Variants in KRT8 observed in about 807,000 individuals in gnomAD.
KRT8 encodes keratin, type II cytoskeletal 8.
KRT8 carries 24 observed loss-of-function variants against 43.0 expected under a neutral mutation model. The observed-to-expected ratio is 0.56, with a 90% confidence interval of 0.40 to 0.78. KRT8 has a LOEUF of 0.78. Among genes scored for constraint, KRT8 ranks in the 30% least tolerant of loss-of-function variants. The probability of loss-of-function intolerance (pLI) is 0.00; values close to 1 mark genes in which losing one functional copy is unlikely to be tolerated. For missense variants in KRT8, 492 were observed against 638.4 expected, an observed-to-expected ratio of 0.77 and a Z score of 2.47; for synonymous variants, 214 against 261.2, an observed-to-expected ratio of 0.82 and a Z score of 1.74.
At chr12:52,949,635 C>T (rs1232510732) in intron 1 of KRT8, 8 of 1,500,422 alleles carry the variant, frequency 5.3e-6, no homozygotes, top group Non-Finnish European at 7.4e-6. Context: ...GTCTGACCCT[C>T]CAATTATACA....
chr12:52,897,667 G>T, intron 7 of KRT8, 49 bp from the exon 8 acceptor site: 1 of 1,597,248 alleles, frequency 6.3e-7, no homozygotes, highest in Non-Finnish European at 8.5e-7. Flanking sequence ...CCACCCCATG[G>T]CAGGCTCCAT....
chr12:52,914,194 G>C (rs1941689134), intron 2 of KRT8, among the ~76,000 whole-genome samples: 1 of 151,986 alleles, frequency 6.6e-6, no homozygotes, highest in Non-Finnish European at 1.5e-5. Context: ...TTGCACTCCA[G>C]CCTGGGCGAC....
rs570641302 is a variant in KRT8 at position 52,900,698 on chromosome 12, G to C, written c.595-15C>G. ...TCATCCACATCCTGGGGGATGAGGA[G>C]AGGGGAGCCTGAGCTGGGTTTCCAC... On this transcript the variant is annotated splice_polypyrimidine_tract_variant and intron_variant, in intron 3 of 7. Coordinates refer to ENST00000692008, the Ensembl canonical transcript of KRT8. The C allele has an allele frequency of 5.0e-5, 79 of 1,583,408 alleles. No individual in the cohort carries two copies. The East Asian group carries it at 1.5e-3, about 30-fold the overall frequency.
At chr12:52,949,161 C>T (rs1362957814) in intron 2 of KRT8, 3 of 1,444,662 alleles carry the variant, frequency 2.1e-6, no homozygotes, top group East Asian at 2.4e-5. Context: ...TCCTTTCTCT[C>T]TCCCCGGACA....
intron 2 of KRT8, among the ~76,000 whole-genome samples, chr12:52,943,992 C>T (rs1285636445): frequency 6.6e-6 from 1 of 152,110 alleles, no homozygotes; most frequent in Non-Finnish European, 1.5e-5. Context: ...TAGTGGTGAG[C>T]AGGGAGCAGA....
intron 2 of KRT8, among the ~76,000 whole-genome samples, chr12:52,944,846 C>T (rs1467208663): frequency 6.6e-6 from 1 of 152,154 alleles, no homozygotes; most frequent in Non-Finnish European, 1.5e-5. Flanking sequence ...ACAGGCAGTG[C>T]CAGGGACTCC....
chr12:52,902,080 A>C lies in KRT8; in HGVS notation c.325-8T>G, dbSNP rs1941385672. On this transcript the variant is annotated splice_region_variant and splice_polypyrimidine_tract_variant and intron_variant, in intron 1 of 7. Transcript: ENST00000692008. ...CTGCTCCAGGAACCGTACCTATACG[A>C]AGGAGGAGAGAGCAAAAAGGTCTAC... 1 of 1,589,648 alleles carries C rather than the reference A, an allele frequency of 6.3e-7. No homozygotes were observed. Among genetic ancestry groups the C allele is most frequent in the African/African-American group, 1.3e-5 (1 of 74,626 alleles).
intron 2 of KRT8, among the ~76,000 whole-genome samples, chr12:52,931,118 A>G (rs1403640204): frequency 6.7e-6 from 1 of 149,380 alleles, no homozygotes; most frequent in Non-Finnish European, 1.5e-5. Flanking sequence ...CCCAGGCTGC[A>G]GTGCAGTGGC....
At chr12:52,943,628 G>A (rs555083007) in intron 2 of KRT8, among the ~76,000 whole-genome samples, 2 of 152,266 alleles carry the variant, frequency 1.3e-5, no homozygotes, top group East Asian at 3.9e-4. Flanking sequence ...GCACGTGGCC[G>A]TGCAGGGTGT....
chr12:52,904,746 T>C, exon 1 of KRT8: 1 of 1,612,724 alleles, frequency 6.2e-7, no homozygotes, highest in Non-Finnish European at 8.5e-7. Context: ...GGGGTCCACC[T>C]CCAGGACAAG....
chr12:52,901,886 G>A, exon 2 of KRT8: 2 of 1,610,928 alleles, frequency 1.2e-6, no homozygotes, highest in Non-Finnish European at 1.7e-6. Flanking sequence ...TCCTCCACCA[G>A]CCCCTGCATG....
intron 2 of KRT8, chr12:52,926,485 G>A: frequency 6.5e-7 from 1 of 1,535,022 alleles, no homozygotes; most frequent in African/African-American, 1.4e-5. Flanking sequence ...TCATGCATCA[G>A]GCACCTCCCC....
chr12:52,934,067 C>CA (rs1224673744), intron 2 of KRT8, among the ~76,000 whole-genome samples: 1 of 148,654 alleles, frequency 6.7e-6, no homozygotes, highest in Non-Finnish European at 1.5e-5. Flanking sequence ...GTCTCTAACT[C>CA]AAAATACAAA....
intron 2 of KRT8, chr12:52,949,126 C>G (rs758566910): frequency 4.5e-6 from 6 of 1,344,688 alleles, no homozygotes; most frequent in East Asian, 3.1e-5. Context: ...AGGCCGCCAC[C>G]GTCGTCCGCA....
intron 2 of KRT8, among the ~76,000 whole-genome samples, chr12:52,943,251 G>T (rs143931554): frequency 1.3e-5 from 2 of 152,198 alleles, no homozygotes; most frequent in Non-Finnish European, 2.9e-5. Flanking sequence ...GCCTCCACTT[G>T]GTCCTCTCTC....
chr12:52,908,746 C>T (rs1941573407), upstream of KRT8, among the ~76,000 whole-genome samples: 1 of 152,150 alleles, frequency 6.6e-6, no homozygotes, highest in Admixed American at 6.6e-5. Flanking sequence ...ATGGCTCTAC[C>T]TATAATCCCA....
chr12:52,939,074 G>A (rs953559342), intron 2 of KRT8, among the ~76,000 whole-genome samples: 9 of 151,814 alleles, frequency 5.9e-5, no homozygotes, highest in Admixed American at 2.6e-4. Flanking sequence ...GACAGAGCAA[G>A]ACCCTGTATC....
At chr12:52,910,292 T>G (rs1941609370), upstream of KRT8, among the ~76,000 whole-genome samples, 1 of 152,186 alleles carries the variant, frequency 6.6e-6, no homozygotes, top group East Asian at 1.9e-4. Flanking sequence ...TTTTCAAAGC[T>G]TCCTCGGTAC....
intron 1 of KRT8, chr12:52,903,563 C>T (rs532866322): frequency 5.3e-5 from 8 of 152,332 alleles, no homozygotes; most frequent in African/African-American, 1.4e-4. Flanking sequence ...AGGGCCCAAT[C>T]CTCGGGGCCG....
Sources: allele counts gnomAD v4.1 joint callset (sites outside exome capture counted in the v4.1 genomes callset), GRCh38; gene constraint gnomAD v4.1.1; transcripts MANE v1.5; gene names NCBI Gene and HGNC (gene_info 2026-07-23, HGNC 2026-07-21).